Variants in LINS1 observed in about 807,000 individuals in gnomAD.
The protein encoded by LINS1 is lines homolog 1.
In LINS1, 27 loss-of-function variants were observed where a neutral mutation model predicts 41.6. That is an observed-to-expected ratio of 0.65 (90% CI 0.48 to 0.89). The LOEUF (loss-of-function observed/expected upper bound fraction) is 0.89. Ranked by LOEUF, LINS1 falls within the 40% of genes least tolerant of loss-of-function variation. The pLI, the probability that LINS1 is intolerant of heterozygous loss-of-function variation, is 0.00. For synonymous variants in LINS1, 336 were observed against 312.9 expected (o/e 1.07, Z -0.78); for missense variants, 955 against 884.1 (o/e 1.08, Z -1.02).
chr15:100,569,167 A>G lies in LINS1; in HGVS notation c.*71T>C, dbSNP rs1260513865. On this transcript the variant is annotated 3_prime_UTR_variant, in exon 7 of 7. Coordinates refer to ENST00000314742, the MANE Select transcript of LINS1 (RefSeq NM_001040616.3). ...AAAACCCTTTTATGGTGATGATTTT[A>G]TACTATTACCTCATTGAGACATAAT... 2.1e-6 allele frequency: 2 copies of G among 956,414 alleles called. No homozygotes were observed. The highest frequency in any genetic ancestry group is 4.5e-5 in the Admixed American group (2 of 44,168). 59.2% of individuals were successfully genotyped at this position (956,414 alleles called of 1,614,324 possible).
rs1178450288 is a variant in LINS1, at chr15:100,569,306, G to T, written c.2206C>A (p.Pro736Thr). The T allele has an allele frequency of 1.2e-6, 2 of 1,612,784 alleles. No homozygotes were observed. The highest frequency in any genetic ancestry group is 1.7e-6 in the Non-Finnish European group (2 of 1,178,836). ...TTTAACAACTTCAAAAGTGCAGTTGGATTATATGGGAAAAGATTTTTCTTT... is the reference window on the plus strand; with the variant it reads ...TTTAACAACTTCAAAAGTGCAGTTGTATTATATGGGAAAAGATTTTTCTTT... Reference protein sequence around the residue: ...LQKKNLFPYNPTALLKLLKYI... With the variant: ...LQKKNLFPYNTTALLKLLKYI... The change falls in exon 7 of 7, where the codon CCA (proline) becomes ACA (threonine). Residue 736 changes from proline (P) to threonine (T), a missense_variant. Coordinates refer to ENST00000314742, the MANE Select transcript of LINS1 (RefSeq NM_001040616.3).
intron 3 of LINS1, among the ~76,000 whole-genome samples, chr15:100,579,147 A>G (rs562433679): frequency 6.6e-6 from 1 of 152,172 alleles, no homozygotes; most frequent in South Asian, 2.1e-4. Context: ...CACGTTGTGC[A>G]CATGTACCCT....
intron 1 of LINS1, among the ~76,000 whole-genome samples, chr15:100,594,496 G>A (rs2039165151): frequency 6.6e-6 from 1 of 152,090 alleles, no homozygotes; most frequent in African/African-American, 2.4e-5. Flanking sequence ...CAGGATCCGT[G>A]GGAGATTTGT....
chr15:100,594,791 A>T (rs1233296536), intron 1 of LINS1, among the ~76,000 whole-genome samples: 1 of 152,010 alleles, frequency 6.6e-6, no homozygotes, highest in Non-Finnish European at 1.5e-5. Context: ...TGTAGCCAAA[A>T]TTTTTCCCCA....
rs185516782 is a variant in LINS1, at chr15:100,575,615, C to T, written c.490-487G>A. 6.4e-4 allele frequency among the ~76,000 whole-genome samples: 97 copies of T among 152,264 alleles called. 1 individual carries two copies. The highest frequency in any genetic ancestry group is 2.0e-3 in the African/African-American group (85 of 41,546). ...CCACTGTCAACATTAGACAGAACAA[C>T]GAGACAGAAAGTTAACAAGGATATC... On this transcript the variant is annotated intron_variant, in intron 3 of 6. Transcript: ENST00000314742.
Position 100,569,495 on chromosome 15 carries a change from A to G in LINS1, c.2017T>C (p.Phe673Leu), listed in dbSNP as rs553433992. 1 of 1,614,200 alleles carries G rather than the reference A, an allele frequency of 6.2e-7. No homozygotes were observed. Among genetic ancestry groups the G allele is most frequent in the South Asian group, 1.1e-5 (1 of 91,082 alleles). Residue 673 changes from phenylalanine to leucine, a missense_variant, in exon 7 of 7, where the codon TTT becomes CTT. Physicochemically the swap from Phe to Leu is conservative, Grantham distance 22. Coordinates refer to ENST00000314742, the MANE Select transcript of LINS1 (RefSeq NM_001040616.3). ...AAGTSRDKKE[F>L]SLEPPSRPLV... Reference sequence around the variant, plus strand: ...GGCCTTGATGGAGGCTCAAGGCTAAATTCTTTTTTATCCCTGCTTGTCCCA... The same window carrying G: ...GGCCTTGATGGAGGCTCAAGGCTAAGTTCTTTTTTATCCCTGCTTGTCCCA...
At chr15:100,597,471 G>T (rs1247262419) in intron 1 of LINS1, among the ~76,000 whole-genome samples, 2 of 152,148 alleles carry the variant, frequency 1.3e-5, no homozygotes, top group Non-Finnish European at 2.9e-5. Flanking sequence ...CCCAAGAATT[G>T]AACCAGGGAC....
chr15:100,587,299 T>C (rs1253156620), intron 1 of LINS1, among the ~76,000 whole-genome samples: 1 of 152,012 alleles, frequency 6.6e-6, no homozygotes, highest in East Asian at 1.9e-4. Flanking sequence ...TTTGCATGGA[T>C]AGTGCCGGCA....
chr15:100,601,408 T>C (rs2039487751), intron 1 of LINS1, among the ~76,000 whole-genome samples: 1 of 152,088 alleles, frequency 6.6e-6, no homozygotes, highest in African/African-American at 2.4e-5. Context: ...GATAACCCAT[T>C]AATCCATGAA....
In LINS1 at chr15:100,567,151, C is replaced by G. The variant is rs1444105270; in HGVS notation, c.*2087G>C. ...CTAGGCTATATGGTATAGCCCATTG[C>G]TCCTAGGCTACAAACCTGTACACAG... On this transcript the variant is annotated 3_prime_UTR_variant, in exon 7 of 7. Transcript: ENST00000314742. 6.6e-6 allele frequency: 1 copy of G among 152,192 alleles called. No homozygotes were observed. Among genetic ancestry groups the G allele is most frequent in the Admixed American group, 6.5e-5 (1 of 15,272 alleles). The allele number at this position is 152,192 out of a possible 1,614,324, so 9.4% of individuals were successfully genotyped here. A position where few individuals can be genotyped will look rare whatever the true frequency, so the allele number is the denominator to read the frequency against.
Position 100,573,712 on chromosome 15 carries a change from T to G in LINS1, c.1161A>C (p.Leu387Phe). Residue 387 changes from leucine (L) to phenylalanine (F), a missense_variant, in exon 5 of 7, where the codon TTA becomes TTC. Transcript: ENST00000314742. ...TGATTTCTAAGGATTTCATTATAAC[T>G]AAGCTTGCTGCTCTAAGGATCACAT... is the stretch of plus-strand genomic sequence containing the variant. The part of the protein sequence containing the change: ...PDHVILRAAS[L>F]VIMKSLEIKF... The G allele has an allele frequency of 6.2e-7, 1 of 1,612,950 alleles. No individual in the cohort carries two copies. Among genetic ancestry groups the G allele is most frequent in the Non-Finnish European group, 8.5e-7 (1 of 1,179,180 alleles).
chr15:100,569,161 G>T lies in LINS1; in HGVS notation c.*77C>A. 2.2e-5 allele frequency: 19 copies of T among 882,272 alleles called. No homozygotes were observed. Among genetic ancestry groups the T allele is most frequent in the Non-Finnish European group, 3.2e-5 (18 of 561,084 alleles). 54.7% of individuals were successfully genotyped at this position (882,272 alleles called of 1,614,324 possible). On this transcript the variant is annotated 3_prime_UTR_variant, in exon 7 of 7. Transcript: ENST00000314742. ...AAAAAGAAAACCCTTTTATGGTGATGATTTTATACTATTACCTCATTGAGA... is the reference window on the plus strand; with the variant it reads ...AAAAAGAAAACCCTTTTATGGTGATTATTTTATACTATTACCTCATTGAGA...
chr15:100,571,868 C>G (rs767532468), intron 6 of LINS1, 26 bp downstream of exon 6: 2 of 1,613,458 alleles, frequency 1.2e-6, no homozygotes, highest in African/African-American at 2.7e-5. Context: ...GTAGGCCGTT[C>G]AATAATTACT....
At position 100,567,656 on chromosome 15, in the gene LINS1, A is replaced by C. The variant is rs1244160770; in HGVS notation, c.*1582T>G. The C allele has an allele frequency of 6.6e-6, 1 of 152,194 alleles. No homozygotes were observed. Among genetic ancestry groups the C allele is most frequent in the African/African-American group, 2.4e-5 (1 of 41,446 alleles). The allele number at this position is 152,194 out of a possible 1,614,324, so 9.4% of individuals were successfully genotyped here. A position where few individuals can be genotyped will look rare whatever the true frequency, so the allele number is the denominator to read the frequency against. ...CCAGGTATTTCTAGTAAAACTCTAA[A>C]ACCTTAACATTTTTTACAAACTATG... On this transcript the variant is annotated 3_prime_UTR_variant, in exon 7 of 7. Transcript: ENST00000314742.
intron 1 of LINS1, among the ~76,000 whole-genome samples, chr15:100,586,943 G>A (rs545669024): frequency 1.4e-4 from 22 of 151,972 alleles, no homozygotes; most frequent in Admixed American, 9.2e-4. Flanking sequence ...GGCAGATCAC[G>A]AGGTCAGGAG....
rs2037627644 is a variant in LINS1, at chr15:100,568,300, T to C, written c.*938A>G. On this transcript the variant is annotated 3_prime_UTR_variant, in exon 7 of 7. Coordinates refer to ENST00000314742, the MANE Select transcript of LINS1 (RefSeq NM_001040616.3). ...AACTGTATTTGGTTAGTGACTCTCCTGGATTCAAGTCCATCAAGGACACAT... is the reference window on the plus strand; with the variant it reads ...AACTGTATTTGGTTAGTGACTCTCCCGGATTCAAGTCCATCAAGGACACAT... 1 of 152,230 alleles carries C rather than the reference T, an allele frequency of 6.6e-6. No homozygotes were observed. Among genetic ancestry groups the C allele is most frequent in the African/African-American group, 2.4e-5 (1 of 41,454 alleles). 9.4% of individuals were successfully genotyped at this position (152,230 alleles called of 1,614,324 possible).
In LINS1 at chr15:100,574,967, T is replaced by C. The variant is rs370192548; in HGVS notation, c.631+20A>G. On this transcript the variant is annotated intron_variant, in intron 4 of 6. Transcript: ENST00000314742. ...CCAGGAGCAAGATGATGATTGTTTA[T>C]GGGGCCATGTAATCCATACCTGTTT... The C allele has an allele frequency of 1.2e-5, 20 of 1,610,410 alleles. No homozygotes were observed. The highest frequency in any genetic ancestry group is 8.9e-5 in the East Asian group (4 of 44,718).
At chr15:100,574,435 T>A (rs36053285) in intron 4 of LINS1, among the ~76,000 whole-genome samples, 194 bp from the exon 5 acceptor site, 2 of 152,204 alleles carry the variant, frequency 1.3e-5, no homozygotes, top group Admixed American at 6.5e-5. Flanking sequence ...TGGCTGGGTG[T>A]GGTGGCTCAC....
At chr15:100,590,129 T>TGG (rs2038968826) in intron 1 of LINS1, among the ~76,000 whole-genome samples, 2 of 152,174 alleles carry the variant, frequency 1.3e-5, no homozygotes, top group African/African-American at 2.4e-5. Context: ...CAGAAGAACA[T>TGG]GGCATCCTTG....
Sources: allele counts gnomAD v4.1 joint callset (sites outside exome capture counted in the v4.1 genomes callset), GRCh38; gene constraint gnomAD v4.1.1; transcripts MANE v1.5; gene names NCBI Gene and HGNC (gene_info 2026-07-23, HGNC 2026-07-21).